The following PCDHGB5 variants were observed in gnomAD, a reference collection of about 807,000 sequenced individuals.
The protein encoded by PCDHGB5 is protocadherin gamma subfamily B, 5, also known as protocadherin gamma-B5.
Under a neutral mutation model 62.9 loss-of-function variants are expected in PCDHGB5, and 48 were observed. The observed-to-expected ratio is 0.76, with a 90% confidence interval of 0.61 to 0.97. The LOEUF is 0.97. PCDHGB5 is among the 50% of genes least tolerant of loss of function. The probability of loss-of-function intolerance (pLI) is 0.00; values close to 1 mark genes in which losing one functional copy is unlikely to be tolerated. For missense variants in PCDHGB5, 1,118 were observed against 1,198.6 expected (o/e 0.93, Z 0.99); for synonymous variants, 474 against 511.2 (o/e 0.93, Z 0.98).
chr5:141,485,185 G>C lies in PCDHGB5; in HGVS notation c.2398-9622G>C. On this transcript the variant is annotated intron_variant, in intron 1 of 3. Transcript: ENST00000617380. This position sits in a 1 kb window ranked among gnomAD's most constrained non-coding sequence, Gnocchi z 5.7. ...AGCGGGCGGCAGCAATGCTCCGCAA[G>C]GTGAGAAGCTGGACAGAAATCTGGC... 6.2e-7 allele frequency: 1 copy of C among 1,613,528 alleles called. No homozygotes were observed. Among genetic ancestry groups the C allele is most frequent in the Non-Finnish European group, 8.5e-7 (1 of 1,179,492 alleles).
intron 1 of PCDHGB5, chr5:141,422,315 C>T: frequency 6.5e-7 from 1 of 1,547,896 alleles, no homozygotes; most frequent in Non-Finnish European, 8.7e-7. Flanking sequence ...AACTCTCCTC[C>T]AGGTACAGTG....
At chr5:141,509,551 C>T (rs2099877337) in intron 3 of PCDHGB5, among the ~76,000 whole-genome samples, 1 of 152,164 alleles carries the variant, frequency 6.6e-6, no homozygotes, top group South Asian at 2.1e-4. Context: ...CTCATTTAGT[C>T]CTCACAGCAG....
rs543209695 is a variant in PCDHGB5 at position 141,431,563 on chromosome 5, C to T, written c.2397+31039C>T. 24 of 1,614,026 alleles carry T rather than the reference C, an allele frequency of 1.5e-5. No individual in the cohort carries two copies. Among genetic ancestry groups the T allele is most frequent in the Non-Finnish European group, 1.9e-5 (23 of 1,180,046 alleles). ...AGCTGCTTGTAGTCAACGCTACCGA[C>T]CCTGACGAAGGAGTCAATGCGGAAG... On this transcript the variant is annotated intron_variant, in intron 1 of 3. Transcript: ENST00000617380. The surrounding 1 kb of genome is among the most constrained non-coding windows in gnomAD (Gnocchi z 4.8).
rs1421497518 is a variant in PCDHGB5 at position 141,431,979 on chromosome 5, A to G, written c.2397+31455A>G. ...GGAAATTACTATAGTTTAGTCACAGACATAGTCTTGGATAGGGAACAGGTT... is the reference window on the plus strand; with the variant it reads ...GGAAATTACTATAGTTTAGTCACAGGCATAGTCTTGGATAGGGAACAGGTT... On this transcript the variant is annotated intron_variant, in intron 1 of 3. Coordinates refer to ENST00000617380, the MANE Select transcript of PCDHGB5 (RefSeq NM_018925.3). This position sits in a 1 kb window ranked among gnomAD's most constrained non-coding sequence, Gnocchi z 4.8. 6.2e-7 allele frequency: 1 copy of G among 1,614,078 alleles called. No homozygotes were observed. The highest frequency in any genetic ancestry group is 1.3e-5 in the African/African-American group (1 of 74,932).
chr5:141,404,909 C>CCT, intron 1 of PCDHGB5: 1 of 1,613,916 alleles, frequency 6.2e-7, no homozygotes, highest in Non-Finnish European at 8.5e-7. Context: ...TGGCCAGCCC[C>CCT]CTCTCTCGGC....
intron 1 of PCDHGB5, among the ~76,000 whole-genome samples, chr5:141,460,961 A>ATGTG (rs35821115): frequency 4.1e-5 from 6 of 144,616 alleles, no homozygotes; most frequent in South Asian, 2.2e-4. Context: ...GTATATATAT[A>ATGTG]TGTGTGTGTG....
chr5:141,509,497 G>A (rs1167178592), intron 3 of PCDHGB5, among the ~76,000 whole-genome samples: 1 of 152,196 alleles, frequency 6.6e-6, no homozygotes, highest in Non-Finnish European at 1.5e-5. Flanking sequence ...TGGCATGCTG[G>A]ATGTGACGGT....
chr5:141,484,757 T>C (rs2099600412), intron 1 of PCDHGB5, among the ~76,000 whole-genome samples: 1 of 151,626 alleles, frequency 6.6e-6, no homozygotes, highest in East Asian at 1.9e-4. Flanking sequence ...AATGTATATA[T>C]ATATATATGT....
chr5:141,486,189 A>T lies in PCDHGB5; in HGVS notation c.2398-8618A>T, dbSNP rs761466492. 6.2e-7 allele frequency: 1 copy of T among 1,614,062 alleles called. No individual in the cohort carries two copies. Among genetic ancestry groups the T allele is most frequent in the Non-Finnish European group, 8.5e-7 (1 of 1,179,994 alleles). ...GAGCAACATTGCAGCCTTCGAGTGG[A>T]TCTGCTGGACGTAAATGACAATGCC... is the stretch of plus-strand genomic sequence containing the variant. On this transcript the variant is annotated intron_variant, in intron 1 of 3. Coordinates refer to ENST00000617380, the MANE Select transcript of PCDHGB5 (RefSeq NM_018925.3). The surrounding 1 kb of genome is among the most constrained non-coding windows in gnomAD (Gnocchi z 5.0).
Position 141,490,703 on chromosome 5 carries a change from G to GCCT in PCDHGB5, c.2398-4102_2398-4100dup. 6.2e-7 allele frequency: 1 copy of GCCT among 1,614,110 alleles called. No individual in the cohort carries two copies. The highest frequency in any genetic ancestry group is 8.5e-7 in the Non-Finnish European group (1 of 1,180,000). Reference sequence around the variant, plus strand: ...GATCCAGACACTGGGGATAATGCCCGCCTCACCTACTCCATTGTAGGAAAT... The same window carrying GCCT: ...GATCCAGACACTGGGGATAATGCCCGCCTCCTCACCTACTCCATTGTAGGAAAT... On this transcript the variant is annotated intron_variant, in intron 1 of 3. Transcript: ENST00000617380. This position sits in a 1 kb window ranked among gnomAD's most constrained non-coding sequence, Gnocchi z 5.4.
chr5:141,421,254 C>T, intron 1 of PCDHGB5: 1 of 1,607,460 alleles, frequency 6.2e-7, no homozygotes, highest in East Asian at 2.2e-5. Flanking sequence ...AGCGCGGGGA[C>T]CGCAGTCGGC....
At chr5:141,457,094 C>T (rs2098908295) in intron 1 of PCDHGB5, among the ~76,000 whole-genome samples, 1 of 152,154 alleles carries the variant, frequency 6.6e-6, no homozygotes, top group Non-Finnish European at 1.5e-5. Context: ...TATAAGGATA[C>T]TAATTAAGCA....
rs1054594374 is a variant in PCDHGB5 at position 141,489,607 on chromosome 5, A to G, written c.2398-5200A>G. On this transcript the variant is annotated intron_variant, in intron 1 of 3. Coordinates refer to ENST00000617380, the MANE Select transcript of PCDHGB5 (RefSeq NM_018925.3). This position sits in a 1 kb window ranked among gnomAD's most constrained non-coding sequence, Gnocchi z 4.5. ...GGAGCTAATCCGTGTAGAGGTAGAG[A>G]TCCTGGATCTCAATGACAACTCTCC... The G allele has an allele frequency of 6.2e-6, 10 of 1,613,850 alleles. No homozygotes were observed. The highest frequency in any genetic ancestry group is 8.5e-6 in the Non-Finnish European group (10 of 1,179,956).
chr5:141,502,098 G>T (rs1341016516), intron 2 of PCDHGB5, among the ~76,000 whole-genome samples: 2 of 152,108 alleles, frequency 1.3e-5, no homozygotes, highest in Non-Finnish European at 2.9e-5. Flanking sequence ...ACCTGGCCTT[G>T]ACCCTGCACC....
intron 1 of PCDHGB5, chr5:141,427,757 C>A: frequency 7.5e-7 from 1 of 1,340,702 alleles, no homozygotes; most frequent in Non-Finnish European, 1.1e-6. Flanking sequence ...CCATCGTTAC[C>A]ACTGACTTGG....
At chr5:141,410,394 T>C in intron 1 of PCDHGB5, 1 of 1,614,054 alleles carries the variant, frequency 6.2e-7, no homozygotes, top group Non-Finnish European at 8.5e-7. Context: ...CATCCTGGTC[T>C]CTGTGTCAAG....
In PCDHGB5 at chr5:141,452,847, T is replaced by G. The variant is rs575815407; in HGVS notation, c.2398-41960T>G. Among the ~76,000 whole-genome samples, 42 of 152,304 alleles carry G rather than the reference T, an allele frequency of 2.8e-4. 1 individual carries two copies. Among genetic ancestry groups the G allele is most frequent in the Admixed American group, 2.5e-3 (38 of 15,302 alleles). ...AAATCACTTGGTCCAGCCCACACTC[T>G]GGGGAGATGATTTTCTAACTCCATT... On this transcript the variant is annotated intron_variant, in intron 1 of 3. Coordinates refer to ENST00000617380, the MANE Select transcript of PCDHGB5 (RefSeq NM_018925.3).
At chr5:141,414,186 G>C in intron 1 of PCDHGB5, 1 of 1,609,824 alleles carries the variant, frequency 6.2e-7, no homozygotes, top group Non-Finnish European at 8.5e-7. Context: ...CTGCAAAAGT[G>C]TTGATTACAG....
intron 1 of PCDHGB5, chr5:141,478,142 G>A: frequency 3.7e-6 from 6 of 1,613,988 alleles, no homozygotes; most frequent in Non-Finnish European, 4.2e-6. Flanking sequence ...AGCCCGAGCC[G>A]AGTTCCCCTC....
Sources: gnomAD v4.1 joint callset for allele counts (sites outside exome capture counted in the v4.1 genomes callset) on GRCh38, gnomAD v4.1.1 for gene constraint, Gnocchi (gnomAD v3.1) non-coding constraint, MANE v1.5 for transcripts, NCBI Gene and HGNC (gene_info 2026-07-23, HGNC 2026-07-21) for gene names.